Variants in SPTBN5 observed in about 807,000 individuals in gnomAD.
The protein encoded by SPTBN5 is spectrin beta chain, non-erythrocytic 5.
Under a neutral mutation model 477.6 loss-of-function variants are expected in SPTBN5, and 513 were observed. That is an observed-to-expected ratio of 1.07 (90% CI 1.00 to 1.16). The LOEUF (loss-of-function observed/expected upper bound fraction) is 1.16. SPTBN5 is among the 50% of genes most tolerant of loss of function. The pLI is 0.00. For synonymous variants in SPTBN5, 2,169 were observed against 2,011.7 expected (o/e 1.08, Z -2.09); for missense variants, 5,062 against 4,731.8 (o/e 1.07, Z -2.05).
rs755342370 is a variant in SPTBN5, at chr15:41,855,585, G to A, written c.9182C>T (p.Thr3061Ile). The change falls in exon 54 of 68, where the codon ACA becomes ATA. Residue 3061 changes from threonine (T) to isoleucine (I), a missense_variant. Physicochemically the swap from Thr to Ile is moderately conservative, Grantham distance 89 (BLOSUM62 -1). Coordinates refer to ENST00000320955, the MANE Select transcript of SPTBN5 (RefSeq NM_016642.4). The stretch of plus-strand genomic sequence containing the variant: ...CTTCCTGCTCTCCAGGAGTGCTGCT[G>A]TCTGCTGCAGCCGCTCGATGCGTGG... ...FSPRIERLQQTAALLESRKNP... is the reference protein window; with the variant it reads ...FSPRIERLQQIAALLESRKNP... 65 of 1,611,980 alleles carry A rather than the reference G, an allele frequency of 4.0e-5. 2 individuals are homozygous for A. The Admixed American group carries it at 9.2e-4, about 23-fold the overall frequency.
Position 41,866,495 on chromosome 15 carries a change from T to C in SPTBN5, c.6481-2A>G. The C allele has an allele frequency of 6.4e-7, 1 of 1,556,482 alleles. No homozygotes were observed. ...CCACGCCTGGATCCAGTCCTCAGCC[T>C]GGTGGGGGTGGGACATGAATGCTGC... On this transcript the variant is annotated splice_acceptor_variant, in intron 36 of 67. Transcript: ENST00000320955. LOFTEE classifies it high-confidence loss of function.
chr15:41,858,423 G>A (rs535886776), intron 49 of SPTBN5, among the ~76,000 whole-genome samples, 179 bp downstream of exon 49: 5 of 152,318 alleles, frequency 3.3e-5, no homozygotes, highest in South Asian at 2.1e-4. Context: ...CCTGCCCGCC[G>A]GAAAGCAACT....
chr15:41,876,986 T>G lies in SPTBN5; in HGVS notation c.3712-38A>C, dbSNP rs755813229. 13 of 1,582,584 alleles carry G rather than the reference T, an allele frequency of 8.2e-6. No homozygotes were observed. The African/African-American group carries it at 1.6e-4, about 20-fold the overall frequency. ...AGACCTGAGGTCATGCCTGGGAGAA[T>G]GGGGGTCAGGACCATCTCACCCGCC... is the stretch of plus-strand genomic sequence containing the variant. On this transcript the variant is annotated intron_variant, in intron 18 of 67. Coordinates refer to ENST00000320955, the MANE Select transcript of SPTBN5 (RefSeq NM_016642.4).
intron 41 of SPTBN5, 124 bp from the exon 42 acceptor site, chr15:41,863,027 C>T: frequency 1.2e-6 from 1 of 818,770 alleles, no homozygotes; most frequent in South Asian, 1.6e-5. Context: ...CTGGCCCCGA[C>T]TTTGAGGGCC....
chr15:41,854,761 G>A, intron 56 of SPTBN5, 21 bp downstream of exon 56: 3 of 1,483,656 alleles, frequency 2.0e-6, no homozygotes, highest in Non-Finnish European at 2.7e-6. Flanking sequence ...CCTTAGCTTG[G>A]CCCGGCCTGT....
Position 41,872,964 on chromosome 15 carries a change from G to A in SPTBN5, c.5008-505C>T, listed in dbSNP as rs146346619. Among the ~76,000 whole-genome samples the A allele has an allele frequency of 5.3e-5, 8 of 152,318 alleles. No homozygotes were observed. In the East Asian group the frequency reaches 5.8e-4, roughly 11 times the overall value. On this transcript the variant is annotated intron_variant, in intron 26 of 67. Coordinates refer to ENST00000320955, the MANE Select transcript of SPTBN5 (RefSeq NM_016642.4). ...GGACAGTTCAGTGACAGCAGGAACC[G>A]GGACTGCCGTGGGCTCCAGGCTTTG...
intron 36 of SPTBN5, 91 bp from the exon 37 acceptor site, chr15:41,866,584 G>A: frequency 1.4e-6 from 2 of 1,383,654 alleles, no homozygotes; most frequent in East Asian, 2.6e-5. Flanking sequence ...CCAGGAGGCT[G>A]GCCTCAGGGG....
chr15:41,873,866 C>A lies in SPTBN5; in HGVS notation c.4869G>T (p.Gln1623His), dbSNP rs1334357116. Residue 1623 changes from glutamine (Q) to histidine (H), a missense_variant, in exon 25 of 68, where the codon CAG becomes CAT. Transcript: ENST00000320955. ...CTACCTGCTGGAAAGTGACAGCCTG[C>A]TGCAGACACTGGGCCCGCGCTTCAC... ...RACEARAQCL[Q>H]QAVTFQQYFL... 2 of 1,610,948 alleles carry A rather than the reference C, an allele frequency of 1.2e-6. No homozygotes were observed. The highest frequency in any genetic ancestry group is 1.7e-6 in the Non-Finnish European group (2 of 1,179,902).
chr15:41,850,684 G>T, intron 66 of SPTBN5, 170 bp downstream of exon 66: 5 of 639,622 alleles, frequency 7.8e-6, no homozygotes, highest in Non-Finnish European at 1.3e-5. Flanking sequence ...GGCAAGTTGC[G>T]TAACCTCTCC....
Position 41,863,726 on chromosome 15 carries a change from A to G in SPTBN5, c.7127T>C (p.Val2376Ala). The change falls in exon 41 of 68, where the codon GTC becomes GCC. Residue 2376 changes from valine to alanine, a missense_variant. Val to Ala is a moderately conservative substitution (Grantham distance 64, BLOSUM62 0). Coordinates refer to ENST00000320955, the MANE Select transcript of SPTBN5 (RefSeq NM_016642.4). ...TACCTTCTCCTGAATCCTCTTGGTG[A>G]CATTGTCCAGCTCTCGGGACAACAC... ...IHVLSRELDNVTKRIQEKEAL... is the reference protein window; with the variant it reads ...IHVLSRELDNATKRIQEKEAL... 1 of 1,613,268 alleles carries G rather than the reference A, an allele frequency of 6.2e-7. No homozygotes were observed. Among genetic ancestry groups the G allele is most frequent in the Non-Finnish European group, 8.5e-7 (1 of 1,179,708 alleles).
In SPTBN5 at chr15:41,886,295, G is replaced by T; in HGVS notation, c.960C>A (p.Arg320=). 6.2e-7 allele frequency: 1 copy of T among 1,613,316 alleles called. No homozygotes were observed. Among genetic ancestry groups the T allele is most frequent in the Non-Finnish European group, 8.5e-7 (1 of 1,179,860 alleles). The change falls in exon 7 of 68, where the codon CGC becomes CGA. Residue 320 remains arginine, a synonymous_variant. Coordinates refer to ENST00000320955, the MANE Select transcript of SPTBN5 (RefSeq NM_016642.4). ...QYEQLVADLL[R]WIAEKQMQLE... is the part of the protein sequence containing the mutation. ...GCTGCATCTGCTTCTCTGCAATCCA[G>T]CGTAGAAGGTCAGCCACCAGCTGCT...
In SPTBN5 at chr15:41,852,690, A is replaced by G; in HGVS notation, c.10393T>C (p.Leu3465=). The stretch of plus-strand genomic sequence containing the variant: ...TCCTGGGCTGCCAGCAGCTTTTCTA[A>G]GTCCTGGTGTCTGTGCAGCAGCAAC... ...VELLLHRHQD[L]EKLLAAQEEK... The change falls in exon 61 of 68, where the codon TTA becomes CTA. Residue 3465 remains leucine (L), a synonymous_variant. Coordinates refer to ENST00000320955, the MANE Select transcript of SPTBN5 (RefSeq NM_016642.4). 6.2e-7 allele frequency: 1 copy of G among 1,613,406 alleles called. No individual in the cohort carries two copies. Among genetic ancestry groups the G allele is most frequent in the Non-Finnish European group, 8.5e-7 (1 of 1,179,826 alleles).
chr15:41,855,571 C>A lies in SPTBN5; in HGVS notation c.9196G>T (p.Glu3066Ter). ...CACCTTTCTGGGTTCTTCCTGCTCT[C>A]CAGGAGTGCTGCTGTCTGCTGCAGC... ...ERLQQTAALL[E>*]SRKNPESPKV... The change falls in exon 54 of 68, where the codon GAG becomes TAG. Residue 3066 changes from glutamate to a stop codon, truncating the protein, a stop_gained. Coordinates refer to ENST00000320955, the MANE Select transcript of SPTBN5 (RefSeq NM_016642.4). LOFTEE classifies it high-confidence loss of function. 2 of 1,612,046 alleles carry A rather than the reference C, an allele frequency of 1.2e-6. No individual in the cohort carries two copies. Among genetic ancestry groups the A allele is most frequent in the Non-Finnish European group, 1.7e-6 (2 of 1,179,596 alleles).
rs2066400625 is a variant in SPTBN5 at position 41,868,194 on chromosome 15, G to A, written c.6082C>T (p.Gln2028Ter). The A allele has an allele frequency of 6.3e-7, 1 of 1,582,198 alleles. No individual in the cohort carries two copies. Among genetic ancestry groups the A allele is most frequent in the Admixed American group, 1.8e-5 (1 of 55,080 alleles). The change falls in exon 34 of 68, where the codon CAG becomes TAG. Residue 2028 changes from glutamine to a stop codon, truncating the protein, a stop_gained. Transcript: ENST00000320955. LOFTEE classifies it high-confidence loss of function. ...KEVQEELRAL[Q>*]DQRDQVYQTW... ...TGATACACCTGGTCCCGCTGGTCCT[G>A]CAGGGCTCGAAGCTCTTCCTGGACC...
rs781539798 is a variant in SPTBN5 at position 41,868,486 on chromosome 15, G to T, written c.5969C>A (p.Ala1990Glu). The stretch of plus-strand genomic sequence containing the variant: ...CAGCTTCTCCCGGGCCTCCAGCTCC[G>T]CCCGGAGCCACTGGTGGGCACTGAG... ...LKLSAHQWLR[A>E]ELEAREKLWQ... Residue 1990 changes from alanine (A) to glutamate (E), a missense_variant, in exon 33 of 68, where the codon GCG becomes GAG. Ala to Glu is a moderately radical substitution (Grantham distance 107). Coordinates refer to ENST00000320955, the MANE Select transcript of SPTBN5 (RefSeq NM_016642.4). 7 of 1,611,306 alleles carry T rather than the reference G, an allele frequency of 4.3e-6. No homozygotes were observed. Among genetic ancestry groups the T allele is most frequent in the Middle Eastern group, 1.6e-4 (1 of 6,082 alleles).
intron 19 of SPTBN5, 22 bp from the exon 20 acceptor site, chr15:41,876,669 G>T: frequency 1.3e-6 from 2 of 1,494,176 alleles, no homozygotes; most frequent in Non-Finnish European, 1.9e-6. Context: ...GGGGGGGTTG[G>T]AGGAGGGCAT....
At position 41,872,038 on chromosome 15, in the gene SPTBN5, G is replaced by A. The variant is rs148281251; in HGVS notation, c.5166-121C>T. ...ACTCATGGTCTCTGTCCAAGCCTGC[G>A]GCTCACGATTCAGGGAGTAGTAGAC... On this transcript the variant is annotated intron_variant, in intron 27 of 67. Transcript: ENST00000320955. 613 of 1,306,024 alleles carry A rather than the reference G, an allele frequency of 4.7e-4. 1 individual carries two copies. The African/African-American group carries it at 8.6e-3, about 18-fold the overall frequency. 80.9% of individuals were successfully genotyped at this position (1,306,024 alleles called of 1,614,324 possible). A position where few individuals can be genotyped will look rare whatever the true frequency, so the allele number is the denominator to read the frequency against.
At chr15:41,868,886 G>A (rs2066434154) in intron 32 of SPTBN5, among the ~76,000 whole-genome samples, 1 of 152,200 alleles carries the variant, frequency 6.6e-6, no homozygotes, top group Non-Finnish European at 1.5e-5. Context: ...GAGCTCACCT[G>A]GATGAGGCCA....
intron 49 of SPTBN5, among the ~76,000 whole-genome samples, chr15:41,858,234 G>A (rs886738945): frequency 2.0e-5 from 3 of 152,198 alleles, no homozygotes; most frequent in Non-Finnish European, 2.9e-5. Flanking sequence ...GGAGGCGGAG[G>A]TTGCAGTGAG....
Sources: allele counts gnomAD v4.1 joint callset (sites outside exome capture counted in the v4.1 genomes callset), GRCh38; gene constraint gnomAD v4.1.1; transcripts MANE v1.5; gene names NCBI Gene and HGNC (gene_info 2026-07-23, HGNC 2026-07-21).